TMEM178B: variants seen among roughly 807,000 people sequenced by gnomAD.
TMEM178B encodes the protein transmembrane protein 178B.
Under a neutral mutation model 31.0 loss-of-function variants are expected in TMEM178B, and 5 were observed. The observed-to-expected ratio is 0.16, with a 90% CI of 0.08 to 0.34. TMEM178B has a LOEUF of 0.34. Ranked by LOEUF, TMEM178B falls within the 10% of genes least tolerant of loss-of-function variation. TMEM178B has a pLI of 1.00. For synonymous variants in TMEM178B, 164 were observed against 164.0 expected, an observed-to-expected ratio of 1.00 and a Z score of 0.00; for missense variants, 275 against 400.3, an observed-to-expected ratio of 0.69 and a Z score of 2.67.
chr7:141,115,319 G>A (rs765097518), intron 1 of TMEM178B, among the ~76,000 whole-genome samples: 1 of 152,124 alleles, frequency 6.6e-6, no homozygotes, highest in Non-Finnish European at 1.5e-5. Context: ...GGGATTACAG[G>A]TGTGAGCCAC....
At position 141,248,447 on chromosome 7, in the gene TMEM178B, A is replaced by G. The variant is rs145489687; in HGVS notation, c.496+35743A>G. On this transcript the variant is annotated intron_variant, in intron 2 of 3. Transcript: ENST00000565468. The stretch of plus-strand genomic sequence containing the variant: ...TCTGTCCCAAAAAATAAAGATGGGG[A>G]TACGTTCTGAGAAATGCATCATTAA... 3.7e-3 allele frequency among the ~76,000 whole-genome samples: 565 copies of G among 152,292 alleles called. 1 individual carries two copies. The highest frequency in any genetic ancestry group is 0.013 in the African/African-American group (522 of 41,554).
intron 3 of TMEM178B, among the ~76,000 whole-genome samples, chr7:141,448,594 T>C (rs1801804263): frequency 6.6e-6 from 1 of 152,120 alleles, no homozygotes. Flanking sequence ...AGGAAAGCCA[T>C]GTTCCTGTAG....
chr7:141,315,286 C>A (rs1284399115), intron 2 of TMEM178B, among the ~76,000 whole-genome samples: 6 of 152,194 alleles, frequency 3.9e-5, no homozygotes, highest in Non-Finnish European at 8.8e-5. Flanking sequence ...GTCCTCTGTG[C>A]AAACTCTTTA....
chr7:141,350,904 C>T (rs1161883136), intron 2 of TMEM178B, among the ~76,000 whole-genome samples: 1 of 152,176 alleles, frequency 6.6e-6, no homozygotes, highest in African/African-American at 2.4e-5. Flanking sequence ...GAAGTCGTGT[C>T]TAAAGAGTCA....
At chr7:141,122,195 C>A (rs1251338670) in intron 1 of TMEM178B, among the ~76,000 whole-genome samples, 2 of 151,154 alleles carry the variant, frequency 1.3e-5, no homozygotes, top group African/African-American at 2.4e-5. Context: ...GCTGGATAAG[C>A]AAAGAGAGAA....
chr7:141,266,637 T>C (rs1798099633), intron 2 of TMEM178B, among the ~76,000 whole-genome samples: 2 of 152,188 alleles, frequency 1.3e-5, no homozygotes, highest in Non-Finnish European at 2.9e-5. Context: ...TGAGCAAGTC[T>C]CAGCCACACA....
rs1802290175 is a variant in TMEM178B at position 141,473,521 on chromosome 7, C to T, written c.*2735C>T. 1 of 152,196 alleles carries T rather than the reference C, an allele frequency of 6.6e-6. No homozygotes were observed. The highest frequency in any genetic ancestry group is 1.5e-5 in the Non-Finnish European group (1 of 68,036). The allele number at this position is 152,196 out of a possible 1,614,324, so 9.4% of individuals were successfully genotyped here. On this transcript the variant is annotated 3_prime_UTR_variant, in exon 4 of 4. Coordinates refer to ENST00000565468, the MANE Select transcript of TMEM178B (RefSeq NM_001195278.2). Reference sequence around the variant, plus strand: ...CCTCTTTTTAAAAAAAAATCCCATACTTTCAATGAATAGATTATCTGCTCT... The same window carrying T: ...CCTCTTTTTAAAAAAAAATCCCATATTTTCAATGAATAGATTATCTGCTCT...
intron 2 of TMEM178B, among the ~76,000 whole-genome samples, chr7:141,421,989 C>T (rs569909136): frequency 2.0e-5 from 3 of 152,244 alleles, no homozygotes; most frequent in Non-Finnish European, 4.4e-5. Context: ...AAATTTGATT[C>T]AGATCTAATA....
chr7:141,428,704 T>C (rs1047474645), intron 2 of TMEM178B, among the ~76,000 whole-genome samples: 12 of 152,274 alleles, frequency 7.9e-5, no homozygotes, highest in African/African-American at 2.9e-4. Flanking sequence ...ACCATGCCAA[T>C]GTATAAAGCC....
chr7:141,454,166 G>A (rs1043326698), intron 3 of TMEM178B, among the ~76,000 whole-genome samples: 4 of 151,982 alleles, frequency 2.6e-5, no homozygotes, highest in African/African-American at 4.8e-5. Context: ...AGATAAGTTC[G>A]ATCAAAATCA....
chr7:141,338,478 G>A (rs777022833), intron 2 of TMEM178B, among the ~76,000 whole-genome samples: 3 of 152,112 alleles, frequency 2.0e-5, no homozygotes, highest in Non-Finnish European at 4.4e-5. Flanking sequence ...GAATGAAAAC[G>A]CCTGGAACCC....
At chr7:141,306,369 T>C (rs1395411434) in intron 2 of TMEM178B, among the ~76,000 whole-genome samples, 1 of 152,152 alleles carries the variant, frequency 6.6e-6, no homozygotes, top group South Asian at 2.1e-4. Flanking sequence ...GGATGCGTTT[T>C]TGTGGCTGTG....
rs556929055 is a variant in TMEM178B at position 141,299,950 on chromosome 7, A to G, written c.496+87246A>G. Among the ~76,000 whole-genome samples the G allele has an allele frequency of 2.0e-5, 3 of 151,878 alleles. No homozygotes were observed. In the South Asian group the frequency reaches 6.2e-4, roughly 32 times the overall value. ...CAGACATGTGTCATCATGTCTGGCT[A>G]ATTTTTAATTTCTTGTAAAGATGGG... On this transcript the variant is annotated intron_variant, in intron 2 of 3. Coordinates refer to ENST00000565468, the MANE Select transcript of TMEM178B (RefSeq NM_001195278.2).
rs187703500 is a variant in TMEM178B, at chr7:141,304,509, C to T, written c.496+91805C>T. ...TGCCTTCTCTTCTCTTGCACACTCT[C>T]GTCTCCAGGGCTCTCATCCACTGCT... On this transcript the variant is annotated intron_variant, in intron 2 of 3. Coordinates refer to ENST00000565468, the MANE Select transcript of TMEM178B (RefSeq NM_001195278.2). Among the ~76,000 whole-genome samples, 469 of 152,248 alleles carry T rather than the reference C, an allele frequency of 3.1e-3. 4 individuals carry two copies. Among genetic ancestry groups the T allele is most frequent in the Non-Finnish European group, 5.4e-3 (368 of 68,020 alleles).
chr7:141,343,213 G>A (rs893790769), intron 2 of TMEM178B, among the ~76,000 whole-genome samples: 6 of 151,884 alleles, frequency 4.0e-5, no homozygotes, highest in East Asian at 1.9e-4. Context: ...CGTACCACTC[G>A]CCCTTGCATT....
intron 2 of TMEM178B, among the ~76,000 whole-genome samples, chr7:141,216,407 G>T (rs1797147217): frequency 6.7e-6 from 1 of 149,388 alleles, no homozygotes; most frequent in Non-Finnish European, 1.5e-5. Context: ...AGGGAGTAAA[G>T]GCCAGAGGAT....
At chr7:141,429,638 G>A (rs1801386347) in intron 2 of TMEM178B, 1 of 152,152 alleles carries the variant, frequency 6.6e-6, no homozygotes, top group African/African-American at 2.4e-5. Context: ...ACAGTAAGGT[G>A]ACTATTGTTA....
chr7:141,209,719 G>C (rs1026770442), intron 1 of TMEM178B, among the ~76,000 whole-genome samples: 2 of 152,194 alleles, frequency 1.3e-5, no homozygotes, highest in African/African-American at 4.8e-5. Flanking sequence ...TGGAACGCCT[G>C]CTGCTGGGGT....
At chr7:141,090,457 G>T (rs1422945358) in intron 1 of TMEM178B, among the ~76,000 whole-genome samples, 3 of 152,190 alleles carry the variant, frequency 2.0e-5, no homozygotes, top group Non-Finnish European at 2.9e-5. Flanking sequence ...TTGTCTTGAT[G>T]AAGCCTCTCT....
Sources: gnomAD v4.1 joint callset for allele counts (sites outside exome capture counted in the v4.1 genomes callset) on GRCh38, gnomAD v4.1.1 for gene constraint, MANE v1.5 for transcripts, NCBI Gene and HGNC (gene_info 2026-07-23, HGNC 2026-07-21) for gene names.